The following TMOD1 variants were observed in gnomAD, a reference collection of about 807,000 sequenced individuals.
The protein encoded by TMOD1 is tropomodulin-1.
A neutral mutation model predicts 40.6 loss-of-function variants in TMOD1; 17 were observed. That is an observed-to-expected ratio of 0.42 (90% confidence interval 0.29 to 0.63). The LOEUF (loss-of-function observed/expected upper bound fraction) is 0.63, where lower values mean the gene tolerates loss of function less well. Ranked by LOEUF, TMOD1 falls within the 20% of genes least tolerant of loss-of-function variation. The pLI, the probability that TMOD1 is intolerant of heterozygous loss-of-function variation, is 0.22. For missense variants in TMOD1, 391 were observed against 447.6 expected (o/e 0.87, Z 1.14); for synonymous variants, 181 against 175.0 (o/e 1.03, Z -0.27).
chr9:97,519,868 T>C (rs1441500739), intron 1 of TMOD1, among the ~76,000 whole-genome samples: 1 of 151,946 alleles, frequency 6.6e-6, no homozygotes, highest in Non-Finnish European at 1.5e-5. Context: ...ATGGCTAATA[T>C]CTGTGAAGCC....
At chr9:97,561,953 C>T (rs1319481064) in intron 4 of TMOD1, among the ~76,000 whole-genome samples, 1 of 152,134 alleles carries the variant, frequency 6.6e-6, no homozygotes, top group Non-Finnish European at 1.5e-5. Flanking sequence ...CTCAGCATAC[C>T]CTGTGCTGGT....
rs1158477733 is a variant in TMOD1, at chr9:97,546,258, A to G, written c.194A>G (p.Glu65Gly). 6.2e-7 allele frequency: 1 copy of G among 1,614,086 alleles called. No individual in the cohort carries two copies. Among genetic ancestry groups the G allele is most frequent in the Non-Finnish European group, 8.5e-7 (1 of 1,180,020 alleles). Residue 65 changes from glutamate to glycine, a missense_variant, in exon 3 of 10, where the codon GAG (glutamate) becomes GGG (glycine). Glu to Gly is a moderately conservative substitution (Grantham distance 98). Coordinates refer to ENST00000259365, the MANE Select transcript of TMOD1 (RefSeq NM_003275.4). ...TKAPTGPFKR[E>G]ELLDHLEKQA... ...GCGCCCACGGGCCCCTTTAAAAGAG[A>G]GGAGCTCTTGGATCACTTGGAAAAG... is the stretch of plus-strand genomic sequence containing the variant.
At chr9:97,546,445 G>T in intron 3 of TMOD1, 104 bp downstream of exon 3, 1 of 1,251,582 alleles carries the variant, frequency 8.0e-7, no homozygotes, top group African/African-American at 1.5e-5. Flanking sequence ...AAATGTGACT[G>T]GGCCTCCTTG....
intron 8 of TMOD1, among the ~76,000 whole-genome samples, chr9:97,587,898 G>A (rs1825915025): frequency 6.6e-6 from 1 of 152,068 alleles, no homozygotes; most frequent in African/African-American, 2.4e-5. Context: ...TGTTTTCCAG[G>A]GTCATTCGTG....
chr9:97,525,051 T>C (rs1057029272), intron 2 of TMOD1, among the ~76,000 whole-genome samples: 5 of 152,048 alleles, frequency 3.3e-5, no homozygotes, highest in Non-Finnish European at 5.9e-5. Context: ...GGCACACATA[T>C]ACATCTCTTT....
chr9:97,536,021 G>A (rs1429848453), intron 2 of TMOD1, among the ~76,000 whole-genome samples: 2 of 152,138 alleles, frequency 1.3e-5, no homozygotes, highest in Non-Finnish European at 2.9e-5. Flanking sequence ...ACATCAAGAC[G>A]CTGTGACTGA....
At position 97,568,606 on chromosome 9, in the gene TMOD1, C is replaced by T. The variant is rs114774859; in HGVS notation, c.727-288C>T. Among the ~76,000 whole-genome samples, 479 of 152,250 alleles carry T rather than the reference C, an allele frequency of 3.1e-3. 2 individuals carry two copies. The highest frequency in any genetic ancestry group is 0.011 in the African/African-American group (465 of 41,564). On this transcript the variant is annotated intron_variant, in intron 7 of 9. Transcript: ENST00000259365. ...AGCACCGAGCAGGCATGGGGAGCTG[C>T]GAGTAGCCCCACTGAAGAGGAGCAG... is the stretch of plus-strand genomic sequence containing the variant.
chr9:97,601,204 T>G lies in TMOD1; in HGVS notation c.*1506T>G. 7.7e-7 allele frequency: 1 copy of G among 1,292,228 alleles called. No homozygotes were observed. Among genetic ancestry groups the G allele is most frequent in the Non-Finnish European group, 1.0e-6 (1 of 981,850 alleles). The allele number at this position is 1,292,228 out of a possible 1,614,324, so 80.0% of individuals were successfully genotyped here. A position where few individuals can be genotyped will look rare whatever the true frequency, so the allele number is the denominator to read the frequency against. ...TCCTTAAAACACAATTGCAGCTGCA[T>G]TCTGCATCGCTGAAAACTGCAATAT... On this transcript the variant is annotated 3_prime_UTR_variant, in exon 10 of 10. Coordinates refer to ENST00000259365, the MANE Select transcript of TMOD1 (RefSeq NM_003275.4).
intron 1 of TMOD1, among the ~76,000 whole-genome samples, chr9:97,511,886 G>C (rs964765685): frequency 6.6e-6 from 1 of 152,134 alleles, no homozygotes; most frequent in African/African-American, 2.4e-5. Flanking sequence ...TGCCCAGCTG[G>C]CCCTCAGGCA....
chr9:97,555,298 C>A, intron 4 of TMOD1: 1 of 1,027,570 alleles, frequency 9.7e-7, no homozygotes, highest in Non-Finnish European at 1.2e-6. Flanking sequence ...GTGGCTGATG[C>A]CTTGGTGCGG....
intron 4 of TMOD1, chr9:97,555,407 C>G: frequency 1.5e-6 from 2 of 1,364,540 alleles, no homozygotes; most frequent in Non-Finnish European, 9.4e-7. Context: ...AAGGGATTAT[C>G]AAATGACTGC....
chr9:97,601,656 T>C lies in TMOD1; in HGVS notation c.*1958T>C. 1 of 850,338 alleles carries C rather than the reference T, an allele frequency of 1.2e-6. No homozygotes were observed. Among genetic ancestry groups the C allele is most frequent in the Non-Finnish European group, 1.4e-6 (1 of 706,136 alleles). 52.7% of individuals were successfully genotyped at this position (850,338 alleles called of 1,614,324 possible). The stretch of plus-strand genomic sequence containing the variant: ...ATTTCCGATTTTGCAGGCCACATAG[T>C]GTCTGTTGCAACTATTCAACTCTGC... On this transcript the variant is annotated 3_prime_UTR_variant, in exon 10 of 10. Transcript: ENST00000259365.
At chr9:97,583,313 G>A (rs1825798645) in intron 8 of TMOD1, among the ~76,000 whole-genome samples, 1 of 144,494 alleles carries the variant, frequency 6.9e-6, no homozygotes, top group African/African-American at 2.6e-5. Flanking sequence ...TTATTGATTT[G>A]TGTATATTGA....
intron 2 of TMOD1, 99 bp from the exon 3 acceptor site, chr9:97,546,086 A>T: frequency 2.2e-6 from 3 of 1,393,970 alleles, no homozygotes; most frequent in Non-Finnish European, 1.9e-6. Context: ...CTGTTCGATG[A>T]TGAGTTTCTG....
chr9:97,521,539 A>G (rs1829915872), intron 1 of TMOD1, among the ~76,000 whole-genome samples: 1 of 152,148 alleles, frequency 6.6e-6, no homozygotes, highest in Non-Finnish European at 1.5e-5. Context: ...AAGCCAAATT[A>G]GGCTGTTTTC....
chr9:97,544,398 T>A (rs1353931088), intron 2 of TMOD1, among the ~76,000 whole-genome samples: 1 of 151,766 alleles, frequency 6.6e-6, no homozygotes, highest in Non-Finnish European at 1.5e-5. Flanking sequence ...TAGCCAGGTG[T>A]GGTGGCATGC....
chr9:97,565,832 G>A lies in TMOD1; in HGVS notation c.619-16G>A. 6.2e-7 allele frequency: 1 copy of A among 1,604,620 alleles called. No homozygotes were observed. The highest frequency in any genetic ancestry group is 8.5e-7 in the Non-Finnish European group (1 of 1,171,596). On this transcript the variant is annotated splice_polypyrimidine_tract_variant and intron_variant, in intron 6 of 9. Transcript: ENST00000259365. Reference sequence around the variant, plus strand: ...GAGGCTTCTGGTCACTCTCTCTGTTGCCTTTCTTTGTGCAGAATATCCCCA... The same window carrying A: ...GAGGCTTCTGGTCACTCTCTCTGTTACCTTTCTTTGTGCAGAATATCCCCA...
In TMOD1 at chr9:97,553,410, G is replaced by C; in HGVS notation, c.397+10G>C. The C allele has an allele frequency of 6.2e-7, 1 of 1,614,054 alleles. No homozygotes were observed. The highest frequency in any genetic ancestry group is 8.5e-7 in the Non-Finnish European group (1 of 1,179,930). ...CTCTGTGACATTGCAGGTAAGAGGCGTTCCAGGAGCTTTCCACATCCTCCA... is the reference window on the plus strand; with the variant it reads ...CTCTGTGACATTGCAGGTAAGAGGCCTTCCAGGAGCTTTCCACATCCTCCA... On this transcript the variant is annotated intron_variant, in intron 4 of 9. Coordinates refer to ENST00000259365, the MANE Select transcript of TMOD1 (RefSeq NM_003275.4).
rs976174528 is a variant in TMOD1, at chr9:97,583,486, G to A, written c.871-7805G>A. ...TCTTTTTTTGTTGTGTCTCTGCCTG[G>A]CTTTGGTATCAGAATGATGCTGGCC... On this transcript the variant is annotated intron_variant, in intron 8 of 9. Transcript: ENST00000259365. 3.0e-4 allele frequency among the ~76,000 whole-genome samples: 46 copies of A among 151,524 alleles called. No individual in the cohort carries two copies. In the South Asian group the frequency reaches 6.7e-3, roughly 22 times the overall value.
Sources: allele counts gnomAD v4.1 joint callset (sites outside exome capture counted in the v4.1 genomes callset), GRCh38; gene constraint gnomAD v4.1.1; transcripts MANE v1.5; gene names NCBI Gene and HGNC (gene_info 2026-07-23, HGNC 2026-07-21).